The following LARGE1 variants were observed in gnomAD, a reference collection of about 807,000 sequenced individuals.
The protein encoded by LARGE1 is xylosyl- and glucuronyltransferase LARGE1.
Under a neutral mutation model 87.6 loss-of-function variants are expected in LARGE1, and 43 were observed. The ratio of observed to expected loss-of-function variants is 0.49; its 90% CI spans 0.38 to 0.63. The LOEUF is 0.63. Ranked by LOEUF, LARGE1 falls within the 30% of genes least tolerant of loss-of-function variation. The probability of loss-of-function intolerance (pLI) is 0.00; values close to 1 mark genes in which losing one functional copy is unlikely to be tolerated. For missense variants in LARGE1, 802 were observed against 1,000.2 expected, an observed-to-expected ratio of 0.80 and a Z score of 2.67; for synonymous variants, 434 against 394.6, an observed-to-expected ratio of 1.10 and a Z score of -1.18.
intron 1 of LARGE1, among the ~76,000 whole-genome samples, chr22:33,766,187 C>T (rs921889772): frequency 3.4e-4 from 51 of 152,228 alleles, no homozygotes; most frequent in African/African-American, 1.1e-3. Context: ...GAAAACCAGC[C>T]TCTAATCTGC....
At chr22:33,510,212 T>C (rs964423922) in intron 6 of LARGE1, among the ~76,000 whole-genome samples, 1 of 152,180 alleles carries the variant, frequency 6.6e-6, no homozygotes, top group African/African-American at 2.4e-5. Flanking sequence ...AACATGCAAG[T>C]CTTAATCCCT....
chr22:33,359,155 C>T (rs1443719275), intron 9 of LARGE1, among the ~76,000 whole-genome samples: 2 of 152,052 alleles, frequency 1.3e-5, no homozygotes, highest in Admixed American at 6.6e-5. Flanking sequence ...TACAATAGTT[C>T]TATACAGTCA....
At chr22:33,213,679 A>G (rs1449656675) in intron 11 of LARGE1, among the ~76,000 whole-genome samples, 3 of 152,264 alleles carry the variant, frequency 2.0e-5, no homozygotes, top group Non-Finnish European at 4.4e-5. Context: ...AAAAATTTAA[A>G]GTATATGTAA....
the LARGE1 span, among the ~76,000 whole-genome samples, chr22:33,127,392 AT>A: frequency 6.6e-6 from 1 of 152,212 alleles, no homozygotes; most frequent in Non-Finnish European, 1.5e-5. Context: ...GAACAAGACA[AT>A]GACTCAAGTC....
chr22:33,733,366 G>A (rs182385604), intron 2 of LARGE1: 15 of 152,284 alleles, frequency 9.9e-5, no homozygotes, highest in Admixed American at 2.6e-4. Context: ...AAAGAAATGT[G>A]ATGAACAGCT....
rs1227750039 is a variant in LARGE1, at chr22:33,509,526, C to T, written c.787+55322G>A. 2.0e-5 allele frequency among the ~76,000 whole-genome samples: 3 copies of T among 152,086 alleles called. No homozygotes were observed. The East Asian group carries it at 5.8e-4, about 29-fold the overall frequency. ...GAGAGCAAAGCACAATCATACCTCA[C>T]TGTAATCTTAAAGCCCTGGGCTCAA... is the stretch of plus-strand genomic sequence containing the variant. On this transcript the variant is annotated intron_variant, in intron 6 of 14. Transcript: ENST00000397394.
chr22:33,276,665 G>A (rs1297449104), intron 14 of LARGE1, among the ~76,000 whole-genome samples: 1 of 152,200 alleles, frequency 6.6e-6, no homozygotes, highest in Non-Finnish European at 1.5e-5. Context: ...AGTAAAGGGT[G>A]GAATAACTAG....
chr22:33,482,655 C>T (rs1169971268), intron 6 of LARGE1, among the ~76,000 whole-genome samples: 3 of 151,984 alleles, frequency 2.0e-5, no homozygotes, highest in Non-Finnish European at 2.9e-5. Flanking sequence ...GTTTGGCCAC[C>T]TATGTAACAA....
chr22:33,591,244 A>G (rs567379574), intron 5 of LARGE1, among the ~76,000 whole-genome samples: 81 of 152,328 alleles, frequency 5.3e-4, no homozygotes, highest in African/African-American at 1.8e-3. Flanking sequence ...CTGAAGTGGT[A>G]TACCATTTTT....
rs887526114 is a variant in LARGE1 at position 33,541,161 on chromosome 22, T to C, written c.787+23687A>G. 4.2e-5 allele frequency among the ~76,000 whole-genome samples: 5 copies of C among 117,674 alleles called. 1 individual carries two copies. In the South Asian group the frequency reaches 8.1e-4, roughly 19 times the overall value. 77.2% of individuals were successfully genotyped at this position (117,674 alleles called of 152,430 possible). A position where few individuals can be genotyped will look rare whatever the true frequency, so the allele number is the denominator to read the frequency against. On this transcript the variant is annotated intron_variant, in intron 6 of 14. Transcript: ENST00000397394. ...TGCCACTGCACTCCAGCCTGGGCTA[T>C]AGAGCAAGACCCTGTCTCAAAAAAA...
intron 2 of LARGE1, among the ~76,000 whole-genome samples, chr22:33,708,475 C>T (rs2082628779): frequency 6.6e-6 from 1 of 152,124 alleles, no homozygotes; most frequent in Non-Finnish European, 1.5e-5. Context: ...GGTGATTGTC[C>T]TCATACTATG....
chr22:33,114,755 C>G, the LARGE1 span, among the ~76,000 whole-genome samples: 1 of 152,136 alleles, frequency 6.6e-6, no homozygotes, highest in Admixed American at 6.6e-5. Context: ...TCATAGTTTC[C>G]TTATCTGCAA....
intron 2 of LARGE1, among the ~76,000 whole-genome samples, chr22:33,689,592 G>C (rs1215324246): frequency 6.6e-6 from 1 of 152,070 alleles, no homozygotes; most frequent in Non-Finnish European, 1.5e-5. Flanking sequence ...GAAGAGATAG[G>C]CAAAATGCTC....
At chr22:33,871,693 CTCT>C (rs1276437730) in intron 1 of LARGE1, among the ~76,000 whole-genome samples, 1 of 152,112 alleles carries the variant, frequency 6.6e-6, no homozygotes, top group Non-Finnish European at 1.5e-5. Context: ...ACACATACTC[CTCT>C]GTCTTCCCTC....
intron 1 of LARGE1, among the ~76,000 whole-genome samples, chr22:33,790,588 T>C (rs1380399452): frequency 6.6e-6 from 1 of 152,210 alleles, no homozygotes; most frequent in Non-Finnish European, 1.5e-5. Flanking sequence ...TTCTTTTCCT[T>C]GAGGTATTTA....
chr22:33,080,433 G>C, the LARGE1 span, among the ~76,000 whole-genome samples: 2 of 152,200 alleles, frequency 1.3e-5, no homozygotes, highest in African/African-American at 4.8e-5. Flanking sequence ...TGCAGGCTAA[G>C]AAAATGACCT....
chr22:33,445,641 G>A (rs909121444), intron 6 of LARGE1, among the ~76,000 whole-genome samples: 4 of 150,424 alleles, frequency 2.7e-5, no homozygotes, highest in Non-Finnish European at 5.9e-5. Flanking sequence ...TGTTCTAAGG[G>A]GGCCACTTTT....
chr22:33,746,873 C>T (rs2084107016), intron 2 of LARGE1, among the ~76,000 whole-genome samples: 1 of 152,042 alleles, frequency 6.6e-6, no homozygotes, highest in South Asian at 2.1e-4. Context: ...GACCAGGAAC[C>T]CAGAGGCTGC....
intron 5 of LARGE1, among the ~76,000 whole-genome samples, chr22:33,600,756 T>C (rs1198851701): frequency 6.6e-6 from 1 of 152,130 alleles, no homozygotes; most frequent in Non-Finnish European, 1.5e-5. Context: ...GGTTAAGAAC[T>C]GTGGCCTCAG....
Sources: allele counts gnomAD v4.1 joint callset (sites outside exome capture counted in the v4.1 genomes callset), GRCh38; gene constraint gnomAD v4.1.1; transcripts MANE v1.5; gene names NCBI Gene and HGNC (gene_info 2026-07-23, HGNC 2026-07-21).